The following DEPTOR variants were observed in gnomAD, a reference collection of about 807,000 sequenced individuals.
The protein encoded by DEPTOR is DEP domain containing MTOR interacting protein.
Under a neutral mutation model 41.6 loss-of-function variants are expected in DEPTOR, and 41 were observed. The ratio of observed to expected loss-of-function variants is 0.98; its 90% CI spans 0.77 to 1.28. The LOEUF is 1.28. Ranked by LOEUF, DEPTOR falls within the 50% of genes most tolerant of loss-of-function variation. The pLI is 0.00. For missense variants in DEPTOR, 514 were observed against 527.9 expected (o/e 0.97, Z 0.26); for synonymous variants, 195 against 192.3 (o/e 1.01, Z -0.12).
intron 4 of DEPTOR, among the ~76,000 whole-genome samples, chr8:119,979,510 G>A (rs1167132431): frequency 3.3e-5 from 5 of 151,952 alleles, no homozygotes; most frequent in Admixed American, 6.6e-5. Context: ...TGATGCACCC[G>A]CCTTGGCCTC....
At chr8:119,894,478 G>A (rs1348362849) in intron 1 of DEPTOR, among the ~76,000 whole-genome samples, 1 of 151,478 alleles carries the variant, frequency 6.6e-6, no homozygotes, top group African/African-American at 2.4e-5. Flanking sequence ...CTCACTGCAA[G>A]CTCCGCCTCC....
chr8:120,037,986 G>T (rs1011100949), intron 8 of DEPTOR, among the ~76,000 whole-genome samples: 1 of 152,178 alleles, frequency 6.6e-6, no homozygotes, highest in Non-Finnish European at 1.5e-5. Context: ...AAGAAATTCT[G>T]CTGGGCCCGG....
At chr8:119,946,132 A>C (rs1317113602) in intron 3 of DEPTOR, among the ~76,000 whole-genome samples, 1 of 152,194 alleles carries the variant, frequency 6.6e-6, no homozygotes. Flanking sequence ...CAGTCCCTTC[A>C]CACAGAGCTT....
intron 7 of DEPTOR, 82 bp from the exon 8 acceptor site, chr8:120,008,947 G>C (rs1812489630): frequency 7.8e-7 from 1 of 1,282,438 alleles, no homozygotes; most frequent in African/African-American, 1.4e-5. Context: ...ACTTAATCCT[G>C]GGCTGGTTTT....
At chr8:119,918,934 AGT>A (rs139535526) in intron 1 of DEPTOR, among the ~76,000 whole-genome samples, 2,595 of 115,230 alleles carry the variant, frequency 0.023, 76 homozygotes, top group African/African-American at 0.086. Context: ...CTATTTGCAT[AGT>A]GAGTGTGTGT....
intron 1 of DEPTOR, among the ~76,000 whole-genome samples, chr8:119,923,885 TTTTC>T (rs145060371): frequency 7.7e-6 from 1 of 129,758 alleles, no homozygotes; most frequent in Admixed American, 7.0e-5. Flanking sequence ...TTCTTTTCTT[TTTTC>T]TTTCTTTTTT....
At chr8:120,014,508 C>T (rs940420911) in intron 8 of DEPTOR, among the ~76,000 whole-genome samples, 1 of 152,084 alleles carries the variant, frequency 6.6e-6, no homozygotes, top group African/African-American at 2.4e-5. Flanking sequence ...GAAAGGGAAG[C>T]CAGTTCCTTC....
rs375005841 is a variant in DEPTOR, at chr8:120,050,072, G to A, written c.*368G>A. ...AGTCCCCTTCTTCAGAGTCAATAGA[G>A]TAGTTGTTAAAGGTTTTAAATTGTA... On this transcript the variant is annotated 3_prime_UTR_variant, in exon 9 of 9. Coordinates refer to ENST00000286234, the MANE Select transcript of DEPTOR (RefSeq NM_022783.4). 1.9e-5 allele frequency: 3 copies of A among 161,328 alleles called. No individual in the cohort carries two copies. Among genetic ancestry groups the A allele is most frequent in the South Asian group, 3.5e-4 (2 of 5,692 alleles). 10.0% of individuals were successfully genotyped at this position (161,328 alleles called of 1,614,324 possible).
intron 4 of DEPTOR, among the ~76,000 whole-genome samples, chr8:119,982,014 TAAAAAA>T (rs35334859): frequency 1.5e-5 from 1 of 65,688 alleles, no homozygotes; most frequent in Non-Finnish European, 2.6e-5. Context: ...ATTCCATCTC[TAAAAAA>T]AAAAAAAAAA....
chr8:119,898,261 G>T (rs1220900258), intron 1 of DEPTOR, among the ~76,000 whole-genome samples: 1 of 152,154 alleles, frequency 6.6e-6, no homozygotes, highest in Non-Finnish European at 1.5e-5. Context: ...ATCTAAGAAA[G>T]AAAAGATGTG....
intron 3 of DEPTOR, among the ~76,000 whole-genome samples, chr8:119,943,012 T>C (rs573468538): frequency 6.6e-6 from 1 of 152,360 alleles, no homozygotes; most frequent in East Asian, 1.9e-4. Context: ...TGGTGAGATA[T>C]TCAGCTTGTA....
chr8:119,928,715 C>A, intron 2 of DEPTOR, 137 bp downstream of exon 2: 1 of 888,056 alleles, frequency 1.1e-6, no homozygotes, highest in Admixed American at 3.8e-5. Context: ...CATTTTCTTC[C>A]TGCCTCTAAG....
At chr8:119,946,707 C>A in intron 3 of DEPTOR, among the ~76,000 whole-genome samples, 1 of 151,998 alleles carries the variant, frequency 6.6e-6, no homozygotes, top group Non-Finnish European at 1.5e-5. Flanking sequence ...GCACTCCAGC[C>A]TGGGCAACAA....
At chr8:119,923,402 C>A (rs1052558415) in intron 1 of DEPTOR, among the ~76,000 whole-genome samples, 6 of 151,962 alleles carry the variant, frequency 3.9e-5, no homozygotes, top group Non-Finnish European at 1.5e-5. Flanking sequence ...TGCCACAACA[C>A]CCAGCTAATT....
At position 120,049,634 on chromosome 8, in the gene DEPTOR, C is replaced by A. The variant is rs1457755433; in HGVS notation, c.1160C>A (p.Thr387Asn). The A allele has an allele frequency of 1.9e-6, 3 of 1,613,910 alleles. No individual in the cohort carries two copies. Among genetic ancestry groups the A allele is most frequent in the East Asian group, 4.5e-5 (2 of 44,884 alleles). ...GLNVLHVDYR[T>N]VSNLILTGPR... ...AATGTCCTGCATGTAGACTACCGGA[C>A]CGTGAGCAATCTGATTCTGACGGGC... The change falls in exon 9 of 9, where the codon ACC (threonine) becomes AAC (asparagine). Residue 387 changes from threonine to asparagine, a missense_variant. Physicochemically the swap from Thr to Asn is moderately conservative, Grantham distance 65. Transcript: ENST00000286234.
intron 3 of DEPTOR, among the ~76,000 whole-genome samples, chr8:119,931,650 G>A (rs1196492120): frequency 1.3e-5 from 2 of 152,104 alleles, no homozygotes; most frequent in Non-Finnish European, 2.9e-5. Context: ...TTTGTACTCA[G>A]TCTACTATCA....
chr8:120,009,205 T>C, intron 8 of DEPTOR, 72 bp downstream of exon 8: 2 of 1,337,812 alleles, frequency 1.5e-6, no homozygotes, highest in Non-Finnish European at 2.1e-6. Flanking sequence ...CCATGATTCT[T>C]ACTAGGGATC....
At chr8:119,889,043 T>C (rs910856409) in intron 1 of DEPTOR, among the ~76,000 whole-genome samples, 26 of 152,182 alleles carry the variant, frequency 1.7e-4, no homozygotes, top group African/African-American at 6.3e-4. Flanking sequence ...ATATAATGAA[T>C]TTATTTAAAA....
intron 1 of DEPTOR, among the ~76,000 whole-genome samples, chr8:119,900,246 G>A (rs1827568737): frequency 6.7e-6 from 1 of 150,228 alleles, no homozygotes; most frequent in African/African-American, 2.5e-5. Flanking sequence ...CTTGAACCTG[G>A]GAGGTGGAGG....
Sources: allele counts gnomAD v4.1 joint callset (sites outside exome capture counted in the v4.1 genomes callset), GRCh38; gene constraint gnomAD v4.1.1; transcripts MANE v1.5; gene names NCBI Gene and HGNC (gene_info 2026-07-23, HGNC 2026-07-21).